TENM1: variants seen among roughly 807,000 people sequenced by gnomAD.
The protein encoded by TENM1 is teneurin transmembrane protein 1, also known as teneurin-1.
Under a neutral mutation model 174.8 loss-of-function variants are expected in TENM1, and 35 were observed. The observed-to-expected ratio is 0.20, with a 90% CI of 0.15 to 0.27. The LOEUF (loss-of-function observed/expected upper bound fraction) is 0.27, where lower values mean the gene tolerates loss of function less well. TENM1 is among the 10% of genes least tolerant of loss of function. The pLI is 1.00. For missense variants in TENM1, 1,633 were observed against 2,130.1 expected (o/e 0.77, Z 4.59); for synonymous variants, 781 against 798.7 (o/e 0.98, Z 0.37).
rs1382681621 is a variant in TENM1 at position 124,756,241 on chromosome X, C to G, written c.536-19044G>C. On this transcript the variant is annotated intron_variant, in intron 3 of 31. Coordinates refer to ENST00000422452, the Ensembl canonical transcript of TENM1. ...CCTTCTCGCTTCATTTCATTCATTT[C>G]ATCTTCCATCACTGATACCCTTTAT... 7.8e-5 allele frequency among the ~76,000 whole-genome samples: 8 copies of G among 103,028 alleles called. No homozygotes were observed. The East Asian group carries it at 2.1e-3, about 27-fold the overall frequency. 89.5% of individuals were successfully genotyped at this position (103,028 alleles called of 115,157 possible).
intron 1 of TENM1, among the ~76,000 whole-genome samples, chrX:124,958,484 GGTC>G (rs2058609907): frequency 9.0e-6 from 1 of 111,527 alleles, no homozygotes; most frequent in Admixed American, 9.6e-5. Context: ...ATAAACGCTT[GGTC>G]ACTGGAGGCT....
intron 3 of TENM1, among the ~76,000 whole-genome samples, chrX:124,753,774 T>G (rs1004219795): frequency 3.6e-5 from 4 of 112,066 alleles, no homozygotes; most frequent in Non-Finnish European, 7.5e-5. Context: ...TGGTTCTGTT[T>G]ATATGCTGGA....
chrX:125,088,581 T>A, the TENM1 span, among the ~76,000 whole-genome samples: 30 of 111,408 alleles, frequency 2.7e-4, no homozygotes, highest in East Asian at 8.5e-4. Context: ...TTAATTTTTT[T>A]AAAATTTTTT....
chrX:124,380,425 T>G (rs1017165751), exon 32 of TENM1: 7 of 690,950 alleles, frequency 1.0e-5, no homozygotes, highest in Non-Finnish European at 1.4e-5. Flanking sequence ...GGATATGTTT[T>G]TCCTCCATAT....
chrX:125,053,473 T>C, the TENM1 span, among the ~76,000 whole-genome samples: 1 of 112,170 alleles, frequency 8.9e-6, no homozygotes, highest in Non-Finnish European at 1.9e-5. Flanking sequence ...GATTAGTGAT[T>C]TTCAAAGTAT....
chrX:124,705,003 A>G lies in TENM1; in HGVS notation c.1015+10T>C, dbSNP rs140984032. ...AAGAACAAAACTGAGGCATGACAAA[A>G]AGGACTTACCAATCACATAGGCTAG... On this transcript the variant is annotated intron_variant, in intron 5 of 31. Coordinates refer to ENST00000422452, the Ensembl canonical transcript of TENM1. 2.7e-3 allele frequency: 3,191 copies of G among 1,177,052 alleles called. 60 individuals carry two copies. The African/African-American group carries it at 0.049, about 18-fold the overall frequency.
At chrX:124,906,290 G>T (rs777725607) in intron 1 of TENM1, among the ~76,000 whole-genome samples, 1 of 111,717 alleles carries the variant, frequency 9.0e-6, no homozygotes, top group Non-Finnish European at 1.9e-5. Context: ...TATTTTTTCT[G>T]CTGAATGTGT....
chrX:124,400,166 C>T (rs1245718062), intron 27 of TENM1, among the ~76,000 whole-genome samples: 1 of 111,677 alleles, frequency 9.0e-6, no homozygotes, highest in Non-Finnish European at 1.9e-5. Flanking sequence ...AATATATCTC[C>T]AGTCAGGCTC....
At chrX:124,558,462 G>A (rs1024944962) in intron 14 of TENM1, among the ~76,000 whole-genome samples, 2 of 110,926 alleles carry the variant, frequency 1.8e-5, no homozygotes, top group Admixed American at 9.7e-5. Flanking sequence ...TTCCCAAAAC[G>A]GTTCAATTGG....
chrX:124,596,836 T>A (rs1350886518), intron 11 of TENM1, among the ~76,000 whole-genome samples: 1 of 110,722 alleles, frequency 9.0e-6, no homozygotes, highest in Non-Finnish European at 1.9e-5. Context: ...CATATTTGCC[T>A]TAGAAAGATC....
intron 3 of TENM1, among the ~76,000 whole-genome samples, chrX:124,751,648 C>T (rs1182826242): frequency 1.5e-4 from 11 of 75,200 alleles, no homozygotes; most frequent in East Asian, 5.6e-4. Flanking sequence ...CCCCTCCCCC[C>T]ACCCCACAAC....
At chrX:125,046,820 ATG>A in the TENM1 span, among the ~76,000 whole-genome samples, 14 of 102,792 alleles carry the variant, frequency 1.4e-4, no homozygotes, top group South Asian at 4.2e-4. Context: ...TCATACAATT[ATG>A]TGTGTGTGTG....
At chrX:125,158,390 A>G in the TENM1 span, among the ~76,000 whole-genome samples, 30 of 82,843 alleles carry the variant, frequency 3.6e-4, no homozygotes, top group Non-Finnish European at 5.4e-4. Context: ...TGACAGAGCA[A>G]GAATCCATCT....
chrX:124,405,122 A>G (rs1056106891), exon 27 of TENM1: 1 of 1,211,685 alleles, frequency 8.3e-7, no homozygotes, highest in Non-Finnish European at 1.1e-6. Flanking sequence ...CTCTCCGGGC[A>G]ATGAGATGTT....
exon 29 of TENM1, chrX:124,385,683 G>C: frequency 8.4e-7 from 1 of 1,191,893 alleles, no homozygotes; most frequent in Non-Finnish European, 1.1e-6. Flanking sequence ...AAACCTGTTT[G>C]CCTGTATCTG....
the TENM1 span, among the ~76,000 whole-genome samples, chrX:125,056,386 A>G: frequency 8.9e-6 from 1 of 112,056 alleles, no homozygotes; most frequent in Admixed American, 9.5e-5. Context: ...ATAAGAAATT[A>G]AGTTAAGCTA....
intron 15 of TENM1, among the ~76,000 whole-genome samples, chrX:124,531,492 G>A (rs996794598): frequency 2.7e-5 from 3 of 111,959 alleles, no homozygotes; most frequent in South Asian, 7.4e-4. Flanking sequence ...CCTCTTCTAC[G>A]TAAGGGCTTT....
chrX:124,786,238 A>G (rs2147188164), intron 3 of TENM1, among the ~76,000 whole-genome samples: 1 of 111,331 alleles, frequency 9.0e-6, no homozygotes, highest in East Asian at 2.8e-4. Context: ...GAAGACACGA[A>G]TAAATAGGTA....
chrX:124,794,790 A>T (rs2055266963), intron 3 of TENM1, among the ~76,000 whole-genome samples: 1 of 111,503 alleles, frequency 9.0e-6, no homozygotes, highest in Admixed American at 9.5e-5. Context: ...TTTAGCTTAG[A>T]GTTTCCTCTG....
Sources: gnomAD v4.1 joint callset for allele counts (sites outside exome capture counted in the v4.1 genomes callset) on GRCh38, gnomAD v4.1.1 for gene constraint, MANE v1.5 for transcripts, NCBI Gene and HGNC (gene_info 2026-07-23, HGNC 2026-07-21) for gene names.